CTNNA3: variants seen among roughly 807,000 people sequenced by gnomAD.
The protein encoded by CTNNA3 is catenin alpha-3.
Under a neutral mutation model 95.7 loss-of-function variants are expected in CTNNA3, and 76 were observed. The ratio of observed to expected loss-of-function variants is 0.79; its 90% CI spans 0.66 to 0.96. The LOEUF is 0.96. Ranked by LOEUF, CTNNA3 falls within the 40% of genes least tolerant of loss-of-function variation. The probability of loss-of-function intolerance (pLI) is 0.00; values close to 1 mark genes in which losing one functional copy is unlikely to be tolerated. For synonymous variants in CTNNA3, 431 were observed against 374.4 expected, an observed-to-expected ratio of 1.15 and a Z score of -1.74; for missense variants, 1,191 against 1,089.8, an observed-to-expected ratio of 1.09 and a Z score of -1.31.
intron 10 of CTNNA3, among the ~76,000 whole-genome samples, chr10:66,521,372 C>T (rs74141566): frequency 0.026 from 4,010 of 152,100 alleles, 184 homozygotes; most frequent in African/African-American, 0.091. Flanking sequence ...TTTAAACATG[C>T]CAATCCAGTC....
At chr10:67,692,270 T>A (rs1413693321) in intron 1 of CTNNA3, among the ~76,000 whole-genome samples, 3 of 147,294 alleles carry the variant, frequency 2.0e-5, no homozygotes, top group Non-Finnish European at 4.5e-5. Flanking sequence ...CGGGCCATGA[T>A]GACAATGGCG....
At position 67,146,302 on chromosome 10, in the gene CTNNA3, T is replaced by C. The variant is rs183839373; in HGVS notation, c.1047+34015A>G. On this transcript the variant is annotated intron_variant, in intron 7 of 17. Transcript: ENST00000433211. ...CATAGTTTGATAACCTATAGATACA[T>C]AGAAATTGTCTAAGTGCTAATTTTC... Among the ~76,000 whole-genome samples the C allele has an allele frequency of 1.8e-4, 28 of 152,322 alleles. No homozygotes were observed. The Middle Eastern group carries it at 0.01, about 56-fold the overall frequency.
intron 5 of CTNNA3, among the ~76,000 whole-genome samples, chr10:67,428,184 T>C (rs1655880175): frequency 6.6e-6 from 1 of 152,120 alleles, no homozygotes; most frequent in Non-Finnish European, 1.5e-5. Context: ...GACTTGACAG[T>C]ACATATGTAG....
intron 12 of CTNNA3, among the ~76,000 whole-genome samples, chr10:66,304,691 G>A (rs1339662214): frequency 6.6e-6 from 1 of 151,986 alleles, no homozygotes; most frequent in Admixed American, 6.6e-5. Context: ...AAGAGTATCC[G>A]CCCACACCAC....
intron 2 of CTNNA3, among the ~76,000 whole-genome samples, chr10:67,640,399 G>T (rs1420697397): frequency 6.6e-6 from 1 of 152,130 alleles, no homozygotes; most frequent in Non-Finnish European, 1.5e-5. Context: ...TGGATAGGAA[G>T]AATCAATATC....
rs116293430 is a variant in CTNNA3, at chr10:67,227,005, C to A, written c.580-7135G>T. Among the ~76,000 whole-genome samples, 19 of 152,044 alleles carry A rather than the reference C, an allele frequency of 1.2e-4. No individual in the cohort carries two copies. In the East Asian group the frequency reaches 2.9e-3, roughly 23 times the overall value. On this transcript the variant is annotated intron_variant, in intron 5 of 17. Transcript: ENST00000433211. ...TGCTGCCTTCAGAAGACTCACCTAA[C>A]ATGTAAAGACTCACATAAACTTAAA...
chr10:66,577,257 T>C (rs1437521969), intron 10 of CTNNA3, among the ~76,000 whole-genome samples: 2 of 151,978 alleles, frequency 1.3e-5, no homozygotes, highest in Non-Finnish European at 2.9e-5. Context: ...TTGCTAATAT[T>C]TTCTCCCATT....
intron 11 of CTNNA3, among the ~76,000 whole-genome samples, chr10:66,490,376 T>A (rs957013231): frequency 6.6e-6 from 1 of 152,174 alleles, no homozygotes; most frequent in African/African-American, 2.4e-5. Context: ...ATAAATATGA[T>A]GAAGAAGAGA....
intron 9 of CTNNA3, among the ~76,000 whole-genome samples, chr10:66,627,738 C>G (rs1270030335): frequency 6.6e-6 from 1 of 152,170 alleles, no homozygotes; most frequent in African/African-American, 2.4e-5. Flanking sequence ...ACAGTCATAT[C>G]AGTTCCTGCA....
intron 12 of CTNNA3, among the ~76,000 whole-genome samples, chr10:66,365,404 G>A (rs1176721025): frequency 6.6e-6 from 1 of 152,146 alleles, no homozygotes; most frequent in East Asian, 1.9e-4. Flanking sequence ...GGGACTAGGG[G>A]AGGGATAACA....
intron 5 of CTNNA3, among the ~76,000 whole-genome samples, chr10:67,381,635 A>C (rs568221720): frequency 1.3e-5 from 2 of 152,126 alleles, no homozygotes; most frequent in Non-Finnish European, 2.9e-5. Context: ...AAAATAGTAC[A>C]TTTTAACTTC....
At chr10:66,067,672 C>G (rs1213924630) in intron 15 of CTNNA3, among the ~76,000 whole-genome samples, 1 of 152,086 alleles carries the variant, frequency 6.6e-6, no homozygotes, top group South Asian at 2.1e-4. Flanking sequence ...AATCCCAGCA[C>G]TTTGGGAGGC....
chr10:66,095,186 T>C (rs1331255490), intron 14 of CTNNA3, among the ~76,000 whole-genome samples: 1 of 152,120 alleles, frequency 6.6e-6, no homozygotes, highest in Non-Finnish European at 1.5e-5. Context: ...TGTGACAATG[T>C]CTAAGAAAAG....
intron 5 of CTNNA3, among the ~76,000 whole-genome samples, chr10:67,280,546 G>A (rs562833003): frequency 4.6e-5 from 7 of 151,862 alleles, no homozygotes; most frequent in East Asian, 3.9e-4. Context: ...CCTGCCAACC[G>A]GCTCCCACTT....
intron 5 of CTNNA3, among the ~76,000 whole-genome samples, chr10:67,440,137 C>A (rs111371380): frequency 6.6e-6 from 1 of 152,038 alleles, no homozygotes; most frequent in Non-Finnish European, 1.5e-5. Flanking sequence ...GGCCTGGCAG[C>A]GTTCACCACA....
chr10:66,753,425 G>T (rs1163213671), intron 9 of CTNNA3, among the ~76,000 whole-genome samples: 2 of 152,096 alleles, frequency 1.3e-5, no homozygotes, highest in African/African-American at 4.8e-5. Context: ...CACTTTGGGA[G>T]GCTGAAGTGG....
chr10:66,887,949 G>T (rs576846727), intron 7 of CTNNA3, among the ~76,000 whole-genome samples: 1 of 152,266 alleles, frequency 6.6e-6, no homozygotes, highest in South Asian at 2.1e-4. Flanking sequence ...GCTCATGTCT[G>T]CAGGAATCTT....
chr10:66,897,617 C>A (rs1180180722), intron 7 of CTNNA3, among the ~76,000 whole-genome samples: 1 of 151,998 alleles, frequency 6.6e-6, no homozygotes. Context: ...GCAAGGAAAT[C>A]TTAAATCATT....
At chr10:66,517,577 G>C (rs1015729249) in intron 11 of CTNNA3, among the ~76,000 whole-genome samples, 2 of 151,978 alleles carry the variant, frequency 1.3e-5, no homozygotes, top group South Asian at 2.1e-4. Flanking sequence ...GGTCTAAAAG[G>C]GGGAGGCATG....
Sources: gnomAD v4.1 joint callset for allele counts (sites outside exome capture counted in the v4.1 genomes callset) on GRCh38, gnomAD v4.1.1 for gene constraint, MANE v1.5 for transcripts, NCBI Gene and HGNC (gene_info 2026-07-23, HGNC 2026-07-21) for gene names.